GP6: variants seen among roughly 807,000 people sequenced by gnomAD.
The protein encoded by GP6 is platelet glycoprotein VI.
Under a neutral mutation model 37.3 loss-of-function variants are expected in GP6, and 45 were observed. The ratio of observed to expected loss-of-function variants is 1.21; its 90% CI spans 0.95 to 1.55. The LOEUF (loss-of-function observed/expected upper bound fraction) is 1.55. Among genes scored for constraint, GP6 ranks in the 40% most tolerant of loss-of-function variants. The pLI is 0.00. For synonymous variants in GP6, 340 were observed against 316.4 expected, an observed-to-expected ratio of 1.07 and a Z score of -0.79; for missense variants, 813 against 760.2, an observed-to-expected ratio of 1.07 and a Z score of -0.82.
At chr19:55,015,281 C>G (rs1390567827) in intron 7 of GP6, 116 bp from the exon 8 acceptor site, 1 of 1,503,790 alleles carries the variant, frequency 6.6e-7, no homozygotes, top group Non-Finnish European at 9.0e-7. Flanking sequence ...GGGGATGCCG[C>G]TCACTTTCCT....
chr19:55,014,487 G>GA lies in GP6; in HGVS notation c.1457dup (p.Arg488GlnfsTer36). 1 of 1,614,126 alleles carries GA rather than the reference G, an allele frequency of 6.2e-7. No individual in the cohort carries two copies. Among genetic ancestry groups the GA allele is most frequent in the Non-Finnish European group, 8.5e-7 (1 of 1,179,968 alleles). On this transcript the variant is annotated frameshift_variant, in exon 8 of 8. Transcript: ENST00000310373. LOFTEE classifies it low-confidence loss of function (END_TRUNC). ...TGGAGTGAGGGTGAGAGTTTCTGGG[G>GA]AAAACCAGACAAGAGCACAGAGGGC...
At chr19:55,018,479 C>T (rs1012332952) in intron 6 of GP6, among the ~76,000 whole-genome samples, 173 bp downstream of exon 6, 1 of 152,272 alleles carries the variant, frequency 6.6e-6, no homozygotes, top group Non-Finnish European at 1.5e-5. Context: ...GCTCCTCCTT[C>T]TGAACCCCAG....
chr19:55,036,859 T>A (rs1194576360), intron 1 of GP6, among the ~76,000 whole-genome samples: 1 of 151,758 alleles, frequency 6.6e-6, no homozygotes, highest in African/African-American at 2.4e-5. Context: ...AAAAATACAA[T>A]AATTAGCCAG....
intron 3 of GP6, among the ~76,000 whole-genome samples, chr19:55,030,874 G>C (rs1384597777): frequency 6.6e-6 from 1 of 151,648 alleles, no homozygotes; most frequent in African/African-American, 2.4e-5. Flanking sequence ...TTTGATACAG[G>C]GTCTCACTCT....
chr19:55,032,578 T>C, intron 1 of GP6, 40 bp from the exon 2 acceptor site: 1 of 1,608,936 alleles, frequency 6.2e-7, no homozygotes. Context: ...AGGACTCGCT[T>C]TTATGGACAT....
chr19:55,029,333 TATATATATATATATATA>T lies in GP6; in HGVS notation c.326-1488_326-1472del, dbSNP rs1568628077. ...GCAATGGCATATATATATATATATA[TATATATATATATATATA>T]TATATATATATATATATATATATAT... On this transcript the variant is annotated intron_variant, in intron 3 of 7. Coordinates refer to ENST00000310373, the MANE Select transcript of GP6 (RefSeq NM_001083899.2). Among the ~76,000 whole-genome samples, 6 of 13,908 alleles carry T rather than the reference TATATATATATATATATA, an allele frequency of 4.3e-4. 2 individuals are homozygous for T. Among genetic ancestry groups the T allele is most frequent in the Non-Finnish European group, 3.6e-4 (4 of 11,114 alleles). 9.1% of individuals were successfully genotyped at this position (13,908 alleles called of 152,430 possible).
intron 6 of GP6, 89 bp from the exon 7 acceptor site, chr19:55,015,822 G>T: frequency 1.3e-6 from 1 of 760,900 alleles, no homozygotes. Context: ...CACACATGGG[G>T]AGGCACAATT....
intron 3 of GP6, among the ~76,000 whole-genome samples, chr19:55,028,866 G>A (rs141370124): frequency 3.9e-5 from 6 of 152,154 alleles, no homozygotes; most frequent in South Asian, 2.1e-4. Context: ...TGGGTGCGGC[G>A]GCTCACACCG....
intron 1 of GP6, among the ~76,000 whole-genome samples, chr19:55,037,623 CTTTTTTTTT>C (rs1179101360): frequency 2.0e-5 from 1 of 50,410 alleles, no homozygotes; most frequent in Non-Finnish European, 3.6e-5. Context: ...GGCACTCAGC[CTTTTTTTTT>C]TTTTTTTTTT....
At chr19:55,024,286 A>ATG (rs1346690939) in intron 5 of GP6, among the ~76,000 whole-genome samples, 7 of 137,294 alleles carry the variant, frequency 5.1e-5, no homozygotes, top group South Asian at 2.3e-4. Flanking sequence ...GCACACACAC[A>ATG]CATATGCACG....
intron 5 of GP6, among the ~76,000 whole-genome samples, chr19:55,024,309 T>TGCACGCACAC (rs1357661954): frequency 0.019 from 2,501 of 129,520 alleles, 95 homozygotes; most frequent in African/African-American, 0.064. Flanking sequence ...TGCACACACA[T>TGCACGCACAC]ATGCACGCAC....
chr19:55,036,673 T>C (rs1239197597), intron 1 of GP6, among the ~76,000 whole-genome samples: 1 of 152,028 alleles, frequency 6.6e-6, no homozygotes, highest in Non-Finnish European at 1.5e-5. Flanking sequence ...CCCTCCTGCC[T>C]GGGTGACAGA....
chr19:55,027,555 G>A, intron 4 of GP6, 23 bp downstream of exon 4: 2 of 1,601,022 alleles, frequency 1.2e-6, no homozygotes, highest in Non-Finnish European at 1.7e-6. Flanking sequence ...GAGGAAGAAA[G>A]GTTTGGTCTG....
intron 1 of GP6, 104 bp from the exon 2 acceptor site, chr19:55,032,642 T>C (rs1237318176): frequency 8.4e-7 from 1 of 1,183,458 alleles, no homozygotes; most frequent in Non-Finnish European, 1.2e-6. Flanking sequence ...CTTTACTCTG[T>C]CCTAATAATT....
intron 5 of GP6, among the ~76,000 whole-genome samples, chr19:55,019,515 G>A (rs973578039): frequency 1.3e-5 from 2 of 152,044 alleles, no homozygotes; most frequent in Non-Finnish European, 1.5e-5. Context: ...AAAAATCATA[G>A]TCATCCTAGT....
intron 1 of GP6, among the ~76,000 whole-genome samples, chr19:55,033,020 G>C (rs2074647378): frequency 8.0e-6 from 1 of 125,656 alleles, no homozygotes; most frequent in African/African-American, 3.1e-5. Context: ...CGGTGGACTC[G>C]TTCGTGTTAG....
chr19:55,017,474 T>G (rs1004426574), intron 6 of GP6, among the ~76,000 whole-genome samples: 7 of 151,964 alleles, frequency 4.6e-5, no homozygotes, highest in Admixed American at 4.6e-4. Context: ...AAACCATCGA[T>G]CCAGCCTGGA....
At chr19:55,018,350 C>G (rs1483174042) in intron 6 of GP6, among the ~76,000 whole-genome samples, 1 of 152,230 alleles carries the variant, frequency 6.6e-6, no homozygotes, top group Non-Finnish European at 1.5e-5. Context: ...GATTAAATAC[C>G]TGGATCACAG....
chr19:55,033,354 C>T (rs1602630930), intron 1 of GP6, among the ~76,000 whole-genome samples: 1 of 86,982 alleles, frequency 1.1e-5, no homozygotes, highest in Non-Finnish European at 2.2e-5. Flanking sequence ...ACACGGTGGG[C>T]TCGTTCGTGT....
Sources: allele counts gnomAD v4.1 joint callset (sites outside exome capture counted in the v4.1 genomes callset), GRCh38; gene constraint gnomAD v4.1.1; transcripts MANE v1.5; gene names NCBI Gene and HGNC (gene_info 2026-07-23, HGNC 2026-07-21).